Variants in RSPRY1 observed in about 807,000 individuals in gnomAD.
RSPRY1 encodes the protein ring finger and SPRY domain containing 1.
A neutral mutation model predicts 73.1 loss-of-function variants in RSPRY1; 23 were observed. The ratio of observed to expected loss-of-function variants is 0.31; its 90% CI spans 0.23 to 0.45. RSPRY1 has a LOEUF of 0.45. Among genes scored for constraint, RSPRY1 ranks in the 20% least tolerant of loss-of-function variants. RSPRY1 has a pLI of 1.00. For missense variants in RSPRY1, 448 were observed against 698.7 expected (o/e 0.64, Z 4.05); for synonymous variants, 226 against 251.4 (o/e 0.90, Z 0.95).
At chr16:57,220,523 T>G in intron 8 of RSPRY1, 4 of 321,780 alleles carry the variant, frequency 1.2e-5, no homozygotes, top group Non-Finnish European at 1.7e-5. Flanking sequence ...CTGAATTTGC[T>G]TTTTAGTTCT....
chr16:57,199,928 T>A lies in RSPRY1; in HGVS notation c.-155-4576T>A, dbSNP rs867182871. Among the ~76,000 whole-genome samples the A allele has an allele frequency of 4.5e-4, 67 of 147,648 alleles. No homozygotes were observed. In the South Asian group the frequency reaches 5.1e-3, roughly 11 times the overall value. ...TTTTCTTTTTCTTTTTTTTTTTTTTTATTGATCATTCTTGGGTGTTTCTCG... is the reference window on the plus strand; with the variant it reads ...TTTTCTTTTTCTTTTTTTTTTTTTTAATTGATCATTCTTGGGTGTTTCTCG... On this transcript the variant is annotated intron_variant, in intron 1 of 14. Transcript: ENST00000394420.
intron 11 of RSPRY1, among the ~76,000 whole-genome samples, chr16:57,227,965 C>A (rs1345296287): frequency 3.9e-5 from 6 of 152,182 alleles, no homozygotes; most frequent in Non-Finnish European, 8.8e-5. Flanking sequence ...ATCCCTCTCT[C>A]ATTTTGCTAC....
intron 7 of RSPRY1, 123 bp from the exon 8 acceptor site, chr16:57,216,781 T>C: frequency 1.1e-6 from 1 of 904,134 alleles, no homozygotes; most frequent in Admixed American, 2.4e-5. Flanking sequence ...GAAATTTTAA[T>C]TGAAGTCTAA....
rs1320280029 is a variant in RSPRY1, at chr16:57,200,954, G to C, written c.-155-3550G>C. Among the ~76,000 whole-genome samples, 32 of 137,080 alleles carry C rather than the reference G, an allele frequency of 2.3e-4. 2 individuals are homozygous for C. The highest frequency in any genetic ancestry group is 5.6e-4 in the African/African-American group (21 of 37,574). 89.9% of individuals were successfully genotyped at this position (137,080 alleles called of 152,430 possible). ...CCAGACGGGGCGGCTGGCCGGGGGG[G>C]GGGGGGGCTGACCCCCCCACCTCCC... On this transcript the variant is annotated intron_variant, in intron 1 of 14. Transcript: ENST00000394420.
In RSPRY1 at chr16:57,239,650, C is replaced by T. The variant is rs1471120725; in HGVS notation, c.*675C>T. On this transcript the variant is annotated 3_prime_UTR_variant, in exon 15 of 15. Coordinates refer to ENST00000394420, the MANE Select transcript of RSPRY1 (RefSeq NM_133368.3). ...TACTGCAGAAAATTGGTGGTATTTTCACATTCATAGTGTTTCTATCCAATT... is the reference window on the plus strand; with the variant it reads ...TACTGCAGAAAATTGGTGGTATTTTTACATTCATAGTGTTTCTATCCAATT... 3.4e-5 allele frequency: 5 copies of T among 148,110 alleles called. No individual in the cohort carries two copies. The highest frequency in any genetic ancestry group is 1.2e-4 in the African/African-American group (5 of 40,234). 9.2% of individuals were successfully genotyped at this position (148,110 alleles called of 1,614,324 possible).
chr16:57,202,878 TTATATATATA>T (rs55701001), intron 1 of RSPRY1, among the ~76,000 whole-genome samples: 2,050 of 131,600 alleles, frequency 0.016, 59 homozygotes, highest in African/African-American at 0.049. Context: ...TTACATATGA[TTATATATATA>T]TATATATATA....
intron 14 of RSPRY1, 121 bp from the exon 15 acceptor site, chr16:57,238,758 T>C (rs559316903): frequency 1.1e-5 from 6 of 546,016 alleles, no homozygotes; most frequent in Admixed American, 7.0e-5. Flanking sequence ...TTTTAAACCA[T>C]GTATAATTAG....
chr16:57,193,295 C>G (rs180887718), intron 1 of RSPRY1, among the ~76,000 whole-genome samples: 116 of 152,256 alleles, frequency 7.6e-4, no homozygotes, highest in African/African-American at 2.6e-3. Context: ...CCCTTCTTAC[C>G]TTCCCCAATG....
At chr16:57,206,872 A>C (rs1337586873) in intron 2 of RSPRY1, among the ~76,000 whole-genome samples, 3 of 152,196 alleles carry the variant, frequency 2.0e-5, no homozygotes, top group Non-Finnish European at 4.4e-5. Context: ...GCCCCTTGCA[A>C]TATTTTAAAA....
intron 4 of RSPRY1, among the ~76,000 whole-genome samples, chr16:57,210,440 C>T (rs1173669083): frequency 3.9e-5 from 6 of 152,084 alleles, no homozygotes; most frequent in East Asian, 1.9e-4. Flanking sequence ...CGGTGGTTCA[C>T]GCCTGTAATC....
rs151164188 is a variant in RSPRY1, at chr16:57,217,834, C to T, written c.901+799C>T. 7.9e-5 allele frequency among the ~76,000 whole-genome samples: 12 copies of T among 152,356 alleles called. 1 individual carries two copies. The highest frequency in any genetic ancestry group is 5.2e-4 in the Admixed American group (8 of 15,310). On this transcript the variant is annotated intron_variant, in intron 8 of 14. Coordinates refer to ENST00000394420, the MANE Select transcript of RSPRY1 (RefSeq NM_133368.3). The stretch of plus-strand genomic sequence containing the variant: ...AAGCATAACTGGACATGTAAATCCA[C>T]CCCCACTGTTACCCCAATATTGTGG...
In RSPRY1 at chr16:57,208,398, A is replaced by AT. The variant is rs1168128064; in HGVS notation, c.403+289dup. ...TATTTATATATATATATATATATAT[A>AT]TATTTTTTTTTTTTTTTGAGACAGA... On this transcript the variant is annotated intron_variant, in intron 3 of 14. Coordinates refer to ENST00000394420, the MANE Select transcript of RSPRY1 (RefSeq NM_133368.3). 6.4e-3 allele frequency among the ~76,000 whole-genome samples: 111 copies of AT among 17,230 alleles called. 1 individual carries two copies. The highest frequency in any genetic ancestry group is 0.043 in the East Asian group (21 of 488). 11.3% of individuals were successfully genotyped at this position (17,230 alleles called of 152,430 possible). A position where few individuals can be genotyped will look rare whatever the true frequency, so the allele number is the denominator to read the frequency against.
chr16:57,225,309 C>G (rs1200030526), intron 10 of RSPRY1, among the ~76,000 whole-genome samples: 4 of 152,224 alleles, frequency 2.6e-5, no homozygotes, highest in African/African-American at 4.8e-5. Context: ...GATCTGCCCC[C>G]CAAAGTGCTG....
chr16:57,213,989 G>A (rs773471644), intron 6 of RSPRY1, 43 bp downstream of exon 6: 63 of 1,335,392 alleles, frequency 4.7e-5, no homozygotes, highest in Non-Finnish European at 6.6e-5. Context: ...TCATCTAGAA[G>A]TGGGCATCAT....
chr16:57,229,661 T>G (rs1357028836), intron 11 of RSPRY1, among the ~76,000 whole-genome samples: 1 of 150,166 alleles, frequency 6.7e-6, no homozygotes, highest in African/African-American at 2.4e-5. Flanking sequence ...CCTTAGAGTT[T>G]TACTTTATCT....
intron 1 of RSPRY1, among the ~76,000 whole-genome samples, chr16:57,193,878 C>T (rs1264234428): frequency 6.6e-6 from 1 of 152,062 alleles, no homozygotes; most frequent in African/African-American, 2.4e-5. Context: ...CCAGCCTAGC[C>T]CACATGGTGA....
At chr16:57,234,418 CTTGT>C (rs376980576) in intron 13 of RSPRY1, among the ~76,000 whole-genome samples, 208 of 152,280 alleles carry the variant, frequency 1.4e-3, no homozygotes, top group African/African-American at 4.7e-3. Context: ...TTTTACTTAT[CTTGT>C]TTATTTCTGT....
intron 13 of RSPRY1, among the ~76,000 whole-genome samples, chr16:57,232,081 T>C (rs746261539): frequency 2.0e-5 from 3 of 152,192 alleles, no homozygotes; most frequent in Non-Finnish European, 4.4e-5. Context: ...TAAAGGGTAT[T>C]CCTGTTACTA....
rs565522856 is a variant in RSPRY1, at chr16:57,216,255, T to C, written c.769+82T>C. The C allele has an allele frequency of 1.4e-5, 14 of 1,025,164 alleles. No homozygotes were observed. The African/African-American group carries it at 1.6e-4, about 12-fold the overall frequency. The allele number at this position is 1,025,164 out of a possible 1,614,324, so 63.5% of individuals were successfully genotyped here. On this transcript the variant is annotated intron_variant, in intron 7 of 14. Transcript: ENST00000394420. Reference sequence around the variant, plus strand: ...ATTTTTCTTAGTTACTGGATAAGCCTACACTTTGAACCCCATCAGATGGGC... The same window carrying C: ...ATTTTTCTTAGTTACTGGATAAGCCCACACTTTGAACCCCATCAGATGGGC...
Sources: allele counts gnomAD v4.1 joint callset (sites outside exome capture counted in the v4.1 genomes callset), GRCh38; gene constraint gnomAD v4.1.1; transcripts MANE v1.5; gene names NCBI Gene and HGNC (gene_info 2026-07-23, HGNC 2026-07-21).